Variants in CDH17 observed in about 807,000 individuals in gnomAD.
The protein encoded by CDH17 is cadherin-17.
Under a neutral mutation model 86.3 loss-of-function variants are expected in CDH17, and 67 were observed. The observed-to-expected ratio is 0.78, with a 90% CI of 0.64 to 0.95. The LOEUF (loss-of-function observed/expected upper bound fraction) is 0.95, where lower values mean the gene tolerates loss of function less well. Among genes scored for constraint, CDH17 ranks in the 40% least tolerant of loss-of-function variants. The probability of loss-of-function intolerance (pLI) is 0.00; values close to 1 mark genes in which losing one functional copy is unlikely to be tolerated. For synonymous variants in CDH17, 367 were observed against 366.4 expected, an observed-to-expected ratio of 1.00 and a Z score of -0.02; for missense variants, 993 against 1,017.6, an observed-to-expected ratio of 0.98 and a Z score of 0.33.
rs1011209429 is a variant in CDH17 at position 94,194,533 on chromosome 8, CT to C, written c.51+101del. 2.7e-5 allele frequency: 21 copies of C among 792,412 alleles called. No individual in the cohort carries two copies. The African/African-American group carries it at 3.0e-4, about 11-fold the overall frequency. The allele number at this position is 792,412 out of a possible 1,614,324, so 49.1% of individuals were successfully genotyped here. A position where few individuals can be genotyped will look rare whatever the true frequency, so the allele number is the denominator to read the frequency against. The stretch of plus-strand genomic sequence containing the variant: ...CAACAACTTAATTTTGATAGGTCAT[CT>C]TTTTTTAAGTAATAATAGCCATTCT... On this transcript the variant is annotated intron_variant, in intron 2 of 17. Transcript: ENST00000027335.
intron 1 of CDH17, among the ~76,000 whole-genome samples, chr8:94,199,076 TA>T (rs1813851221): frequency 0.019 from 302 of 15,922 alleles, 1 homozygote; most frequent in Non-Finnish European, 0.026. Context: ...TATATATATA[TA>T]TATATATTTT....
At chr8:94,179,176 G>T (rs115126094) in intron 3 of CDH17, among the ~76,000 whole-genome samples, 1 of 152,030 alleles carries the variant, frequency 6.6e-6, no homozygotes, top group Admixed American at 6.6e-5. Flanking sequence ...GGTGAGAAGC[G>T]TTTGTAGCTT....
chr8:94,191,731 G>A (rs1296388564), intron 2 of CDH17, among the ~76,000 whole-genome samples: 1 of 152,170 alleles, frequency 6.6e-6, no homozygotes, highest in Non-Finnish European at 1.5e-5. Context: ...TGGGATTACA[G>A]GCATGAGCAA....
rs139353468 is a variant in CDH17, at chr8:94,192,012, G to A, written c.51+2623C>T. Among the ~76,000 whole-genome samples, 262 of 152,316 alleles carry A rather than the reference G, an allele frequency of 1.7e-3. 1 individual carries two copies. Among genetic ancestry groups the A allele is most frequent in the African/African-American group, 6.1e-3 (253 of 41,588 alleles). On this transcript the variant is annotated intron_variant, in intron 2 of 17. Coordinates refer to ENST00000027335, the MANE Select transcript of CDH17 (RefSeq NM_004063.4). Reference sequence around the variant, plus strand: ...GCTTATCAGCTTTGCACTCATGTCAGCAAGCAGTCTTTCAGTTAGTCACAC... The same window carrying A: ...GCTTATCAGCTTTGCACTCATGTCAACAAGCAGTCTTTCAGTTAGTCACAC...
At chr8:94,129,981 C>T (rs1001570624) in intron 17 of CDH17, among the ~76,000 whole-genome samples, 12 of 152,152 alleles carry the variant, frequency 7.9e-5, no homozygotes, top group African/African-American at 2.9e-4. Flanking sequence ...ATCTGAAACA[C>T]TTCTGCTCTC....
At position 94,135,396 on chromosome 8, in the gene CDH17, C is replaced by T. The variant is rs530709085; in HGVS notation, c.2168-4404G>A. On this transcript the variant is annotated intron_variant, in intron 15 of 17. Transcript: ENST00000027335. ...TTAGCTCTTCTTGTTGAATTGATCC[C>T]TTTACCATTATGTAATGGCCTCCTT... Among the ~76,000 whole-genome samples the T allele has an allele frequency of 2.0e-4, 30 of 152,308 alleles. No homozygotes were observed. In the South Asian group the frequency reaches 5.8e-3, roughly 29 times the overall value.
chr8:94,128,436 T>A, intron 17 of CDH17, 96 bp from the exon 18 acceptor site: 1 of 753,618 alleles, frequency 1.3e-6, no homozygotes, highest in Non-Finnish European at 2.2e-6. Flanking sequence ...AAAAAATGAC[T>A]CAACTTCATT....
At chr8:94,211,166 A>T (rs1160489735), upstream of CDH17, among the ~76,000 whole-genome samples, 1 of 152,128 alleles carries the variant, frequency 6.6e-6, no homozygotes, top group Non-Finnish European at 1.5e-5. Flanking sequence ...ATCCCTAGAA[A>T]ATACAAATGT....
At chr8:94,139,904 A>T (rs201640155) in intron 15 of CDH17, among the ~76,000 whole-genome samples, 1,273 of 39,584 alleles carry the variant, frequency 0.032, 20 homozygotes, top group African/African-American at 0.11. Flanking sequence ...AAAAATAAAT[A>T]AAAAAAAAGG....
intron 3 of CDH17, among the ~76,000 whole-genome samples, chr8:94,187,192 A>C (rs994917282): frequency 6.6e-6 from 1 of 152,254 alleles, no homozygotes; most frequent in African/African-American, 2.4e-5. Flanking sequence ...ATTTCTCTCT[A>C]TACTTCAAAA....
chr8:94,133,694 G>C (rs895757455), intron 15 of CDH17, among the ~76,000 whole-genome samples: 1 of 152,180 alleles, frequency 6.6e-6, no homozygotes, highest in Non-Finnish European at 1.5e-5. Flanking sequence ...CCAACACTGT[G>C]TTGAATAGGA....
intron 10 of CDH17, among the ~76,000 whole-genome samples, chr8:94,163,904 C>T (rs1235179109): frequency 1.3e-5 from 2 of 152,208 alleles, no homozygotes; most frequent in Non-Finnish European, 2.9e-5. Flanking sequence ...GTTTGACCAG[C>T]AGTGGGCCTT....
intron 3 of CDH17, among the ~76,000 whole-genome samples, chr8:94,185,280 C>T (rs1292182068): frequency 1.9e-4 from 14 of 75,238 alleles, no homozygotes; most frequent in African/African-American, 7.8e-4. Context: ...CCCCAATACA[C>T]ACACACACAC....
chr8:94,179,128 T>G lies in CDH17; in HGVS notation c.151-1407A>C, dbSNP rs563331430. ...TCCTTTCCTAAGATCTGAAGTAGCC[T>G]TGAAAGCAACAGCCTCACACCACAG... On this transcript the variant is annotated intron_variant, in intron 3 of 17. Coordinates refer to ENST00000027335, the MANE Select transcript of CDH17 (RefSeq NM_004063.4). Among the ~76,000 whole-genome samples, 6 of 151,764 alleles carry G rather than the reference T, an allele frequency of 4.0e-5. No individual in the cohort carries two copies. In the South Asian group the frequency reaches 1.3e-3, roughly 32 times the overall value.
chr8:94,148,721 G>GTTTTTTTTTTTTTTTTTTTT, intron 14 of CDH17, 23 bp downstream of exon 14: 1 of 1,121,660 alleles, frequency 8.9e-7, no homozygotes, highest in Non-Finnish European at 1.2e-6. Context: ...CTTTTTTTTT[G>GTTTTTTTTTTTTTTTTTTTT]TTTTTTTTTT....
At chr8:94,168,073 C>A (rs1339291163) in intron 9 of CDH17, among the ~76,000 whole-genome samples, 3 of 123,018 alleles carry the variant, frequency 2.4e-5, no homozygotes, top group Non-Finnish European at 4.8e-5. Context: ...AGATACCAAA[C>A]AGGAGAATGT....
rs565435008 is a variant in CDH17 at position 94,151,649 on chromosome 8, T to C, written c.1796+219A>G. On this transcript the variant is annotated intron_variant, in intron 13 of 17. Coordinates refer to ENST00000027335, the MANE Select transcript of CDH17 (RefSeq NM_004063.4). Reference sequence around the variant, plus strand: ...GCTCATGGGCTGGAATGGAACCTCATGCTGCTTCCCACTTGTCTGAGCCTA... The same window carrying C: ...GCTCATGGGCTGGAATGGAACCTCACGCTGCTTCCCACTTGTCTGAGCCTA... Among the ~76,000 whole-genome samples the C allele has an allele frequency of 6.4e-4, 98 of 152,338 alleles. 1 individual carries two copies. The highest frequency in any genetic ancestry group is 2.1e-3 in the African/African-American group (89 of 41,582).
In CDH17 at chr8:94,127,734, A is replaced by G. The variant is rs1357307163; in HGVS notation, c.*506T>C. The G allele has an allele frequency of 1.3e-5, 2 of 153,334 alleles. No homozygotes were observed. Among genetic ancestry groups the G allele is most frequent in the Admixed American group, 6.5e-5 (1 of 15,426 alleles). The allele number at this position is 153,334 out of a possible 1,614,324, so 9.5% of individuals were successfully genotyped here. On this transcript the variant is annotated 3_prime_UTR_variant, in exon 18 of 18. Coordinates refer to ENST00000027335, the MANE Select transcript of CDH17 (RefSeq NM_004063.4). ...CTGTCTTGCCCCAAAAGGGAAAAAC[A>G]CAAGTAGCTAAGCCATTTGCAGAGA... is the stretch of plus-strand genomic sequence containing the variant.
chr8:94,128,237 A>G lies in CDH17; in HGVS notation c.*3T>C. On this transcript the variant is annotated 3_prime_UTR_variant, in exon 18 of 18. Transcript: ENST00000027335. Reference sequence around the variant, plus strand: ...ATATAAATTCAAACATTCCTTTTCAAATTCAGCTTCTCAGAGGTTTGACTT... The same window carrying G: ...ATATAAATTCAAACATTCCTTTTCAGATTCAGCTTCTCAGAGGTTTGACTT... 1 of 1,595,626 alleles carries G rather than the reference A, an allele frequency of 6.3e-7. No individual in the cohort carries two copies. The highest frequency in any genetic ancestry group is 8.6e-7 in the Non-Finnish European group (1 of 1,163,960).
Sources: gnomAD v4.1 joint callset for allele counts (sites outside exome capture counted in the v4.1 genomes callset) on GRCh38, gnomAD v4.1.1 for gene constraint, MANE v1.5 for transcripts, NCBI Gene and HGNC (gene_info 2026-07-23, HGNC 2026-07-21) for gene names.